GALNTL6: variants seen among roughly 807,000 people sequenced by gnomAD.
GALNTL6 encodes polypeptide N-acetylgalactosaminyltransferase-like 6.
In GALNTL6, 46 loss-of-function variants were observed where a neutral mutation model predicts 73.7. The ratio of observed to expected loss-of-function variants is 0.62; its 90% CI spans 0.49 to 0.80. The LOEUF (loss-of-function observed/expected upper bound fraction) is 0.80. Among genes scored for constraint, GALNTL6 ranks in the 30% least tolerant of loss-of-function variants. The pLI, the probability that GALNTL6 is intolerant of heterozygous loss-of-function variation, is 0.00. For missense variants in GALNTL6, 604 were observed against 755.0 expected (o/e 0.80, Z 2.34); for synonymous variants, 259 against 263.7 (o/e 0.98, Z 0.17).
chr4:172,598,081 G>A (rs1737928588), intron 5 of GALNTL6, among the ~76,000 whole-genome samples: 1 of 152,046 alleles, frequency 6.6e-6, no homozygotes, highest in Non-Finnish European at 1.5e-5. Context: ...AGGAACCTAA[G>A]GCAAATTCCC....
intron 5 of GALNTL6, among the ~76,000 whole-genome samples, chr4:172,774,656 T>C (rs1293317177): frequency 6.6e-6 from 1 of 152,040 alleles, no homozygotes; most frequent in Admixed American, 6.6e-5. Flanking sequence ...CTTAGGGAGG[T>C]ATTTTTTTAA....
chr4:172,429,461 C>T (rs143654980), intron 5 of GALNTL6, among the ~76,000 whole-genome samples: 2,908 of 152,128 alleles, frequency 0.019, 89 homozygotes, highest in African/African-American at 0.065. Flanking sequence ...CTGCCCACCT[C>T]GGCCTCCCGA....
chr4:172,355,195 G>C (rs1742107304), intron 5 of GALNTL6, among the ~76,000 whole-genome samples: 1 of 151,986 alleles, frequency 6.6e-6, no homozygotes, highest in Non-Finnish European at 1.5e-5. Flanking sequence ...GTCTTCTAAA[G>C]AAAGTAATAA....
intron 4 of GALNTL6, among the ~76,000 whole-genome samples, chr4:172,340,490 G>T (rs1700620525): frequency 1.3e-5 from 2 of 152,170 alleles, no homozygotes; most frequent in South Asian, 4.2e-4. Context: ...TTGACATCAG[G>T]GTAGCGCTGG....
At chr4:171,937,463 A>T (rs1414927721) in intron 2 of GALNTL6, among the ~76,000 whole-genome samples, 1 of 152,162 alleles carries the variant, frequency 6.6e-6, no homozygotes, top group African/African-American at 2.4e-5. Context: ...ACTATAAAAG[A>T]GCATGTGATT....
chr4:171,851,530 A>C (rs938260442), intron 2 of GALNTL6, among the ~76,000 whole-genome samples: 1 of 152,130 alleles, frequency 6.6e-6, no homozygotes, highest in South Asian at 2.1e-4. Context: ...AGGATGAAAA[A>C]AGCAATAACA....
intron 9 of GALNTL6, among the ~76,000 whole-genome samples, chr4:172,933,709 C>T (rs1400270053): frequency 1.3e-5 from 2 of 152,080 alleles, no homozygotes; most frequent in Non-Finnish European, 1.5e-5. Context: ...CCTCAACTAC[C>T]TCGCTACATG....
intron 2 of GALNTL6, among the ~76,000 whole-genome samples, chr4:172,078,217 G>C (rs1239973773): frequency 6.6e-6 from 1 of 152,120 alleles, no homozygotes; most frequent in African/African-American, 2.4e-5. Context: ...TTGGAACATG[G>C]GGGCAGATTT....
intron 11 of GALNTL6, among the ~76,000 whole-genome samples, chr4:173,014,150 T>C (rs1227479030): frequency 6.6e-6 from 1 of 152,230 alleles, no homozygotes. Context: ...TGCCTTCTGC[T>C]GCAGAACACT....
intron 2 of GALNTL6, among the ~76,000 whole-genome samples, chr4:171,989,344 G>C (rs148407268): frequency 0.023 from 3,480 of 152,228 alleles, 132 homozygotes; most frequent in African/African-American, 0.079. Context: ...GAGAGCCTTG[G>C]GCCAGCATTC....
At chr4:172,546,141 G>A (rs1442781833) in intron 5 of GALNTL6, among the ~76,000 whole-genome samples, 1 of 152,038 alleles carries the variant, frequency 6.6e-6, no homozygotes, top group African/African-American at 2.4e-5. Context: ...TGACAAAACC[G>A]AGTCTCCCAG....
At chr4:172,156,554 T>C (rs1418588270) in intron 2 of GALNTL6, among the ~76,000 whole-genome samples, 3 of 136,500 alleles carry the variant, frequency 2.2e-5, no homozygotes, top group Non-Finnish European at 3.1e-5. Context: ...TATATATATA[T>C]ATATATATAT....
rs185547416 is a variant in GALNTL6 at position 172,334,873 on chromosome 4, T to C, written c.387-13650T>C. ...TTTGGCTGTGGGTTTGTGGCTCTTA[T>C]TATTTTGAGGTAAGTTTTTTCAATG... is the stretch of plus-strand genomic sequence containing the variant. On this transcript the variant is annotated intron_variant, in intron 4 of 12. Coordinates refer to ENST00000506823, the MANE Select transcript of GALNTL6 (RefSeq NM_001034845.3). Among the ~76,000 whole-genome samples the C allele has an allele frequency of 1.6e-3, 251 of 152,256 alleles. 1 individual carries two copies. The highest frequency in any genetic ancestry group is 2.6e-3 in the Non-Finnish European group (178 of 68,004).
At chr4:171,888,762 C>A in intron 2 of GALNTL6, among the ~76,000 whole-genome samples, 1 of 151,986 alleles carries the variant, frequency 6.6e-6, no homozygotes. Context: ...AAAATTTAAG[C>A]AAATAATGCT....
intron 5 of GALNTL6, among the ~76,000 whole-genome samples, chr4:172,682,909 G>T (rs1732708056): frequency 9.6e-6 from 1 of 104,492 alleles, no homozygotes; most frequent in South Asian, 4.1e-4. Context: ...GTACAAAGAG[G>T]TTTACGTTTA....
chr4:172,564,208 G>A (rs1462106433), intron 5 of GALNTL6, among the ~76,000 whole-genome samples: 2 of 152,092 alleles, frequency 1.3e-5, no homozygotes, highest in African/African-American at 4.8e-5. Flanking sequence ...AGTAATTAAT[G>A]CTAAAATAAA....
At chr4:172,296,971 T>C (rs1739701915) in intron 3 of GALNTL6, among the ~76,000 whole-genome samples, 1 of 152,172 alleles carries the variant, frequency 6.6e-6, no homozygotes, top group Admixed American at 6.5e-5. Flanking sequence ...TAGTTTACAG[T>C]CCCACCAACA....
intron 5 of GALNTL6, among the ~76,000 whole-genome samples, chr4:172,772,128 T>C (rs1738802875): frequency 6.6e-6 from 1 of 152,190 alleles, no homozygotes; most frequent in African/African-American, 2.4e-5. Flanking sequence ...ATGAGACTTA[T>C]TCACTATCAT....
intron 2 of GALNTL6, among the ~76,000 whole-genome samples, chr4:171,823,817 G>A (rs994958933): frequency 4.0e-5 from 6 of 151,170 alleles, no homozygotes; most frequent in African/African-American, 1.2e-4. Context: ...AAATAAACAA[G>A]CAAGAGTGTA....
Sources: gnomAD v4.1 joint callset for allele counts (sites outside exome capture counted in the v4.1 genomes callset) on GRCh38, gnomAD v4.1.1 for gene constraint, MANE v1.5 for transcripts, NCBI Gene and HGNC (gene_info 2026-07-23, HGNC 2026-07-21) for gene names.